MTR: variants seen among roughly 807,000 people sequenced by gnomAD.
MTR encodes the protein methionine synthase.
MTR carries 84 observed loss-of-function variants against 154.8 expected under a neutral mutation model. The observed-to-expected ratio is 0.54, with a 90% CI of 0.45 to 0.65. The LOEUF (loss-of-function observed/expected upper bound fraction) is 0.65. Ranked by LOEUF, MTR falls within the 30% of genes least tolerant of loss-of-function variation. MTR has a pLI of 0.00. For synonymous variants in MTR, 554 were observed against 553.9 expected, an observed-to-expected ratio of 1.00 and a Z score of 0.00; for missense variants, 1,275 against 1,570.2, an observed-to-expected ratio of 0.81 and a Z score of 3.18.
chr1:236,810,135 TTTAG>T (rs1486533749), intron 4 of MTR, among the ~76,000 whole-genome samples: 3 of 152,142 alleles, frequency 2.0e-5, no homozygotes, highest in East Asian at 1.9e-4. Context: ...ACTGAAATGT[TTTAG>T]TTAGTTGTGT....
At chr1:236,897,434 T>G (rs1327919581) in intron 32 of MTR, 124 bp from the exon 33 acceptor site, 14 of 956,430 alleles carry the variant, frequency 1.5e-5, no homozygotes, top group Non-Finnish European at 2.4e-5. Flanking sequence ...TCCATTTAAC[T>G]CTGTAGATTG....
chr1:236,897,312 A>ATGCACGCGCGCG (rs1553331097), intron 32 of MTR, among the ~76,000 whole-genome samples, 194 bp downstream of exon 32: 22 of 66,236 alleles, frequency 3.3e-4, no homozygotes, highest in African/African-American at 1.1e-3. Context: ...ACACACACGC[A>ATGCACGCGCGCG]CACACACACA....
Position 236,803,501 on chromosome 1 carries a change from G to T in MTR, c.108G>T (p.Gly36=), listed in dbSNP as rs1057523951. The part of the protein sequence containing the change: ...LQKRIMVLDG[G]MGTMIQREKL... ...AGAGGATTATGGTGCTGGATGGAGG[G>T]ATGGGGACCATGATCCAGCGGGAGA... The change falls in exon 2 of 33, where the codon GGG becomes GGT. Residue 36 remains glycine (G), a synonymous_variant. Transcript: ENST00000366577. 1 of 1,614,162 alleles carries T rather than the reference G, an allele frequency of 6.2e-7. No homozygotes were observed.
intron 1 of MTR, among the ~76,000 whole-genome samples, chr1:236,796,272 C>T (rs1305698011): frequency 6.6e-6 from 1 of 152,222 alleles, no homozygotes; most frequent in East Asian, 1.9e-4. Flanking sequence ...GATGAGCAGA[C>T]CCCACCTCCA....
Position 236,838,455 on chromosome 1 carries a change from A to G in MTR, c.1371A>G (p.Glu457=). The G allele has an allele frequency of 6.2e-7, 1 of 1,614,128 alleles. No homozygotes were observed. The highest frequency in any genetic ancestry group is 8.5e-7 in the Non-Finnish European group (1 of 1,180,008). ...CIDSSNFAVI[E]AGLKCCQGKC... Reference sequence around the variant, plus strand: ...ACTCCTCCAATTTTGCTGTGATTGAAGCTGGGTTAAAGTGCTGCCAAGGGA... The same window carrying G: ...ACTCCTCCAATTTTGCTGTGATTGAGGCTGGGTTAAAGTGCTGCCAAGGGA... Residue 457 remains glutamate (E), a synonymous_variant, in exon 15 of 33, where the codon GAA becomes GAG. Transcript: ENST00000366577.
chr1:236,835,711 A>G (rs1239021493), intron 14 of MTR, 24 bp downstream of exon 14: 4 of 1,613,404 alleles, frequency 2.5e-6, no homozygotes, highest in Admixed American at 1.7e-5. Flanking sequence ...TATGTTTATC[A>G]GGGGGATTTA....
In MTR at chr1:236,799,865, T is replaced by G. The variant is rs555200581; in HGVS notation, c.35-3563T>G. Among the ~76,000 whole-genome samples the G allele has an allele frequency of 5.3e-5, 8 of 152,244 alleles. No homozygotes were observed. The South Asian group carries it at 6.2e-4, about 12-fold the overall frequency. On this transcript the variant is annotated intron_variant, in intron 1 of 32. Coordinates refer to ENST00000366577, the MANE Select transcript of MTR (RefSeq NM_000254.3). ...TCCTTTTCATTCGAAGTCATAAAGT[T>G]CTTCCCAATAAATTATACAATAAGT... is the stretch of plus-strand genomic sequence containing the variant.
intron 8 of MTR, among the ~76,000 whole-genome samples, chr1:236,823,794 A>ACCTTTTTTTT (rs1662114539): frequency 4.3e-5 from 1 of 23,388 alleles, no homozygotes; most frequent in African/African-American, 1.7e-4. Flanking sequence ...TTCAGGTCAG[A>ACCTTTTTTTT]TCTTTTTTTT....
At chr1:236,863,312 G>A (rs577405389) in intron 21 of MTR, 142 bp from the exon 22 acceptor site, 1 of 744,238 alleles carries the variant, frequency 1.3e-6, no homozygotes, top group East Asian at 2.7e-5. Flanking sequence ...GAACTGTTTG[G>A]GCTTCGGTTT....
intron 14 of MTR, among the ~76,000 whole-genome samples, chr1:236,837,563 A>C (rs1430075206): frequency 6.6e-6 from 1 of 152,188 alleles, no homozygotes; most frequent in Non-Finnish European, 1.5e-5. Flanking sequence ...TATGGGCCTA[A>C]TATGGTAGTC....
chr1:236,805,808 CTT>C (rs1275119798), intron 2 of MTR, among the ~76,000 whole-genome samples: 5 of 152,018 alleles, frequency 3.3e-5, no homozygotes, highest in African/African-American at 1.2e-4. Context: ...GATGTGTTAC[CTT>C]ATGTTAGCAT....
intron 14 of MTR, among the ~76,000 whole-genome samples, chr1:236,836,431 C>T (rs1662911790): frequency 1.3e-5 from 2 of 152,102 alleles, no homozygotes; most frequent in African/African-American, 4.8e-5. Flanking sequence ...GAGGTCGGGT[C>T]TTGCTGTGTT....
At position 236,810,525 on chromosome 1, in the gene MTR, G is replaced by A; in HGVS notation, c.432G>A (p.Gly144=). The change falls in exon 5 of 33, where the codon GGG becomes GGA. Residue 144 remains glycine (G), a synonymous_variant. Transcript: ENST00000366577. ...LQTGIKRFVA[G]ALGPTNKTLS... ...AAGGAATTAAGAGGTTTGTGGCAGG[G>A]GCTCTGGGTCCGACTAATAAGACAC... 6.2e-7 allele frequency: 1 copy of A among 1,613,772 alleles called. No homozygotes were observed. Among genetic ancestry groups the A allele is most frequent in the Non-Finnish European group, 8.5e-7 (1 of 1,179,770 alleles).
At chr1:236,845,693 T>G (rs1175366765) in intron 15 of MTR, among the ~76,000 whole-genome samples, 2 of 152,198 alleles carry the variant, frequency 1.3e-5, no homozygotes, top group African/African-American at 4.8e-5. Flanking sequence ...TTCTCCAGAG[T>G]ATTTAAATAT....
chr1:236,805,891 C>T (rs555790221), intron 2 of MTR, among the ~76,000 whole-genome samples: 14 of 152,286 alleles, frequency 9.2e-5, no homozygotes, highest in African/African-American at 3.1e-4. Context: ...GTTTAAGGGA[C>T]TTGATTAAGT....
rs1018197608 is a variant in MTR at position 236,900,830 on chromosome 1, G to A, written c.*3186G>A. On this transcript the variant is annotated 3_prime_UTR_variant, in exon 33 of 33. Transcript: ENST00000366577. ...CAGTGCCCAGATACCAGGCTTTGGG[G>A]AATGAGTGGATGGCTGGACCATTTG... The A allele has an allele frequency of 6.5e-6, 1 of 152,756 alleles. No individual in the cohort carries two copies. The highest frequency in any genetic ancestry group is 1.5e-5 in the Non-Finnish European group (1 of 68,174). 9.5% of individuals were successfully genotyped at this position (152,756 alleles called of 1,614,324 possible). A position where few individuals can be genotyped will look rare whatever the true frequency, so the allele number is the denominator to read the frequency against.
intron 15 of MTR, 49 bp from the exon 16 acceptor site, chr1:236,850,295 A>C (rs1053067213): frequency 1.5e-6 from 2 of 1,305,252 alleles, no homozygotes; most frequent in Non-Finnish European, 2.1e-6. Context: ...TTAATATTTT[A>C]ATAGATAATT....
Position 236,821,394 on chromosome 1 carries a change from G to A in MTR, c.765-2725G>A, listed in dbSNP as rs530552272. Among the ~76,000 whole-genome samples, 9 of 152,294 alleles carry A rather than the reference G, an allele frequency of 5.9e-5. No individual in the cohort carries two copies. In the South Asian group the frequency reaches 1.0e-3, roughly 18 times the overall value. ...ATCTGTAAAGGCCCCACCTTCCAAC[G>A]CTGTTTCATTGGCATTTAAATTTCA... On this transcript the variant is annotated intron_variant, in intron 8 of 32. Transcript: ENST00000366577.
At chr1:236,810,473 G>A in intron 4 of MTR, 30 bp from the exon 5 acceptor site, 1 of 1,575,226 alleles carries the variant, frequency 6.3e-7, no homozygotes, top group Admixed American at 1.7e-5. Context: ...GCCACTTAGA[G>A]ATCTCACACT....
Sources: allele counts gnomAD v4.1 joint callset (sites outside exome capture counted in the v4.1 genomes callset), GRCh38; gene constraint gnomAD v4.1.1; transcripts MANE v1.5; gene names NCBI Gene and HGNC (gene_info 2026-07-23, HGNC 2026-07-21).